AKR1B10: variants seen among roughly 807,000 people sequenced by gnomAD.
AKR1B10 encodes aldo-keto reductase family 1 member B10, also known as ARP.
AKR1B10 carries 39 observed loss-of-function variants against 38.9 expected under a neutral mutation model. The observed-to-expected ratio is 1.00, with a 90% confidence interval of 0.78 to 1.31. The LOEUF (loss-of-function observed/expected upper bound fraction) is 1.31. Among genes scored for constraint, AKR1B10 ranks in the 50% most tolerant of loss-of-function variants. AKR1B10 has a pLI of 0.00. For missense variants in AKR1B10, 361 were observed against 382.6 expected (o/e 0.94, Z 0.47); for synonymous variants, 148 against 141.2 (o/e 1.05, Z -0.34).
intron 2 of AKR1B10, 55 bp from the exon 3 acceptor site, chr7:134,531,853 C>T (rs1357953357): frequency 3.1e-6 from 5 of 1,597,690 alleles, no homozygotes; most frequent in South Asian, 1.1e-5. Flanking sequence ...ACAATGAGTA[C>T]AATGTGGCCC....
chr7:134,536,882 A>G lies in AKR1B10; in HGVS notation c.552+110A>G. 2.5e-6 allele frequency: 4 copies of G among 1,578,602 alleles called. No individual in the cohort carries two copies. In the Admixed American group the frequency reaches 5.2e-5, roughly 21 times the overall value. On this transcript the variant is annotated intron_variant, in intron 5 of 9. Transcript: ENST00000359579. ...AGTCTCATCTCAGGGGTCAGTGATC[A>G]GGACACTTTGGGGAGGTGTGAGGCT...
chr7:134,530,942 G>A, intron 2 of AKR1B10, 132 bp downstream of exon 2: 4 of 1,254,316 alleles, frequency 3.2e-6, no homozygotes, highest in Non-Finnish European at 4.4e-6. Flanking sequence ...TAACATCCGT[G>A]AATACAACAC....
chr7:134,532,148 G>T, intron 3 of AKR1B10, 124 bp downstream of exon 3: 1 of 1,201,990 alleles, frequency 8.3e-7, no homozygotes, highest in Admixed American at 1.8e-5. Context: ...ATTGGGAATG[G>T]CAGGTGGTCA....
chr7:134,533,126 A>G, intron 4 of AKR1B10, 45 bp downstream of exon 4: 1 of 1,486,104 alleles, frequency 6.7e-7, no homozygotes, highest in Non-Finnish European at 9.1e-7. Flanking sequence ...AGAAATCTTC[A>G]GTTATCCATG....
intron 4 of AKR1B10, 68 bp from the exon 5 acceptor site, chr7:134,536,582 G>T: frequency 3.2e-6 from 5 of 1,570,584 alleles, no homozygotes; most frequent in South Asian, 1.2e-5. Context: ...CCCCAGGGAG[G>T]ACTAAGGCAA....
At chr7:134,528,735 G>GAGAAAGAGAGAGAGAGAA (rs1807766782) in intron 1 of AKR1B10, among the ~76,000 whole-genome samples, 1 of 120,132 alleles carries the variant, frequency 8.3e-6, no homozygotes, top group South Asian at 2.4e-4. Flanking sequence ...GCAAGAAAGA[G>GAGAAAGAGAGAGAGAGAA]AGAAAGAGAG....
chr7:134,537,711 T>C, intron 7 of AKR1B10, 50 bp downstream of exon 7: 2 of 1,599,588 alleles, frequency 1.3e-6, no homozygotes, highest in East Asian at 2.2e-5. Context: ...TCTTCCAGTC[T>C]CGTGTTTCAT....
chr7:134,528,586 T>C (rs1484811054), intron 1 of AKR1B10, among the ~76,000 whole-genome samples: 1 of 152,126 alleles, frequency 6.6e-6, no homozygotes, highest in Non-Finnish European at 1.5e-5. Context: ...TTTCTGGGCA[T>C]GGTGGCACGC....
rs530444398 is a variant in AKR1B10, at chr7:134,537,131, C to A, written c.633C>A (p.Ser211Arg). The A allele has an allele frequency of 1.9e-6, 3 of 1,596,734 alleles. No homozygotes were observed. The highest frequency in any genetic ancestry group is 2.6e-6 in the Non-Finnish European group (3 of 1,171,378). Reference sequence around the variant, plus strand: ...AGGGCATCACCGTTACGGCCTACAGCCCCCTGGGCTCTCCGGATAGACCTT... The same window carrying A: ...AGGGCATCACCGTTACGGCCTACAGACCCCTGGGCTCTCCGGATAGACCTT... ...HSKGITVTAY[S>R]PLGSPDRPWA... The change falls in exon 6 of 10, where the codon AGC becomes AGA. Residue 211 changes from serine (S) to arginine (R), a missense_variant. Around this residue, in one of 3 missense-constraint regions of AKR1B10, gnomAD observed 132 missense variants for 134.6 expected, o/e 0.98. Coordinates refer to ENST00000359579, the MANE Select transcript of AKR1B10 (RefSeq NM_020299.5).
rs1461205449 is a variant in AKR1B10, at chr7:134,532,444, C to T, written c.351+420C>T. On this transcript the variant is annotated intron_variant, in intron 3 of 9. Transcript: ENST00000359579. ...CTGGGAGTGGCATCTTGGAGAAAAG[C>T]CCAAGTATGGTGATGCTGGAAGGAA... 3.9e-5 allele frequency among the ~76,000 whole-genome samples: 6 copies of T among 152,208 alleles called. No homozygotes were observed. The East Asian group carries it at 5.8e-4, about 15-fold the overall frequency.
chr7:134,529,421 C>G (rs999810076), intron 1 of AKR1B10, among the ~76,000 whole-genome samples: 8 of 152,130 alleles, frequency 5.3e-5, no homozygotes, highest in African/African-American at 1.9e-4. Flanking sequence ...GGTGAGTTTA[C>G]CAGACAGTTT....
chr7:134,538,391 A>T, intron 8 of AKR1B10, 114 bp downstream of exon 8: 1 of 1,043,632 alleles, frequency 9.6e-7, no homozygotes, highest in Admixed American at 2.1e-5. Flanking sequence ...CTCCCTTCCC[A>T]CCACCCTATC....
At chr7:134,532,495 G>T (rs984222256) in intron 3 of AKR1B10, among the ~76,000 whole-genome samples, 8 of 152,112 alleles carry the variant, frequency 5.3e-5, no homozygotes, top group African/African-American at 1.7e-4. Flanking sequence ...GGCACCCATT[G>T]CCTGGGGCTC....
rs936408031 is a variant in AKR1B10, at chr7:134,538,022, G to T, written c.742-172G>T. The T allele has an allele frequency of 1.1e-5, 8 of 699,832 alleles. No individual in the cohort carries two copies. In the Middle Eastern group the frequency reaches 1.3e-3, roughly 114 times the overall value. The allele number at this position is 699,832 out of a possible 1,614,324, so 43.4% of individuals were successfully genotyped here. ...TCACAGGGTTGTCTCTAAGGTGAAG[G>T]GAGAGAAAGAGGTGGGGGTCTGGCA... On this transcript the variant is annotated intron_variant, in intron 7 of 9. Transcript: ENST00000359579.
intron 1 of AKR1B10, among the ~76,000 whole-genome samples, chr7:134,529,660 A>G (rs1807796263): frequency 6.6e-6 from 1 of 152,192 alleles, no homozygotes; most frequent in Admixed American, 6.5e-5. Context: ...GTTATCTCAC[A>G]ATTGAAGAGG....
chr7:134,533,125 C>A (rs1458659408), intron 4 of AKR1B10, 44 bp downstream of exon 4: 1 of 1,485,836 alleles, frequency 6.7e-7, no homozygotes, highest in South Asian at 1.3e-5. Context: ...GAGAAATCTT[C>A]AGTTATCCAT....
intron 4 of AKR1B10, among the ~76,000 whole-genome samples, chr7:134,536,100 A>G (rs559354410): frequency 1.3e-5 from 2 of 152,340 alleles, no homozygotes; most frequent in East Asian, 3.9e-4. Flanking sequence ...ATCTGAATGC[A>G]TGACCTTCCT....
At chr7:134,534,059 T>G (rs530097221) in intron 4 of AKR1B10, among the ~76,000 whole-genome samples, 1 of 152,326 alleles carries the variant, frequency 6.6e-6, no homozygotes, top group African/African-American at 2.4e-5. Flanking sequence ...TTGACATGAT[T>G]CAATGAAATG....
chr7:134,538,318 G>C (rs776231576), intron 8 of AKR1B10, 41 bp downstream of exon 8: 2 of 1,572,100 alleles, frequency 1.3e-6, no homozygotes, highest in Non-Finnish European at 1.7e-6. Flanking sequence ...CCTCAGTGGA[G>C]TGGGGGACAG....
Sources: gnomAD v4.1 joint callset for allele counts (sites outside exome capture counted in the v4.1 genomes callset) on GRCh38, gnomAD v4.1.1 for gene constraint, gnomAD v4.1.1 regional missense constraint, MANE v1.5 for transcripts, NCBI Gene and HGNC (gene_info 2026-07-23, HGNC 2026-07-21) for gene names.